SEC14L2: variants seen among roughly 807,000 people sequenced by gnomAD.
The protein encoded by SEC14L2 is SEC14 like lipid binding 2, also known as SEC14-like protein 2.
SEC14L2 carries 50 observed loss-of-function variants against 56.9 expected under a neutral mutation model. The observed-to-expected ratio is 0.88, with a 90% CI of 0.70 to 1.11. The LOEUF is 1.11. SEC14L2 is among the 50% of genes most tolerant of loss of function. The probability of loss-of-function intolerance (pLI) is 0.00; values close to 1 mark genes in which losing one functional copy is unlikely to be tolerated. For missense variants in SEC14L2, 414 were observed against 500.7 expected, an observed-to-expected ratio of 0.83 and a Z score of 1.65; for synonymous variants, 179 against 188.5, an observed-to-expected ratio of 0.95 and a Z score of 0.41.
At chr22:30,411,752 A>G (rs948791935) in intron 8 of SEC14L2, among the ~76,000 whole-genome samples, 1 of 150,510 alleles carries the variant, frequency 6.6e-6, no homozygotes, top group African/African-American at 2.4e-5. Context: ...CAAAAAAAAA[A>G]AAAAAAAAAG....
intron 5 of SEC14L2, among the ~76,000 whole-genome samples, chr22:30,408,581 C>A (rs375459585): frequency 6.6e-6 from 1 of 151,890 alleles, no homozygotes; most frequent in Non-Finnish European, 1.5e-5. Context: ...CTAGACCCTG[C>A]GCCAAAAAAA....
intron 3 of SEC14L2, 101 bp downstream of exon 3, chr22:30,406,486 T>C (rs1284111946): frequency 2.4e-6 from 3 of 1,234,734 alleles, no homozygotes; most frequent in Non-Finnish European, 2.3e-6. Flanking sequence ...AGCTTTTGGC[T>C]TTGAGTATTA....
chr22:30,404,528 C>T (rs1934038568), intron 2 of SEC14L2, among the ~76,000 whole-genome samples: 1 of 152,154 alleles, frequency 6.6e-6, no homozygotes, highest in Non-Finnish European at 1.5e-5. Flanking sequence ...GCCAAATCCA[C>T]AGAGGACATA....
At chr22:30,399,574 G>A in intron 1 of SEC14L2, 69 bp from the exon 2 acceptor site, 7 of 1,029,588 alleles carry the variant, frequency 6.8e-6, no homozygotes, top group Non-Finnish European at 9.9e-6. Flanking sequence ...AGATCTCAGT[G>A]GAGAGTCCTA....
chr22:30,415,954 T>C lies in SEC14L2; in HGVS notation c.778T>C (p.Tyr260His). 6.2e-7 allele frequency: 1 copy of C among 1,614,164 alleles called. No homozygotes were observed. The highest frequency in any genetic ancestry group is 1.6e-4 in the Middle Eastern group (1 of 6,062). Reference protein sequence around the residue: ...GNPKCKSKINYGGDIPRKYYV... With the variant: ...GNPKCKSKINHGGDIPRKYYV... ...CTCCATGCCATGCTTCTAGATCAAC[T>C]ACGGGGGTGACATCCCCAGGAAGTA... is the stretch of plus-strand genomic sequence containing the variant. The change falls in exon 10 of 12, where the codon TAC (tyrosine) becomes CAC (histidine). Residue 260 changes from tyrosine to histidine, a missense_variant. Tyr to His is a moderately conservative substitution (Grantham distance 83). Coordinates refer to ENST00000615189, the MANE Select transcript of SEC14L2 (RefSeq NM_012429.5).
chr22:30,404,171 A>C (rs951548970), intron 2 of SEC14L2, among the ~76,000 whole-genome samples: 1 of 152,164 alleles, frequency 6.6e-6, no homozygotes, highest in African/African-American at 2.4e-5. Context: ...TTATCAGATG[A>C]TTTGGTCAGA....
intron 2 of SEC14L2, among the ~76,000 whole-genome samples, chr22:30,404,009 C>CAAAAAAAAAAAAAAAA (rs67366822): frequency 6.9e-4 from 64 of 93,176 alleles, no homozygotes; most frequent in Non-Finnish European, 9.1e-4. Context: ...GACTCCGTCT[C>CAAAAAAAAAAAAAAAA]AAAAAAAAAA....
intron 8 of SEC14L2, among the ~76,000 whole-genome samples, chr22:30,413,213 G>A (rs567187258): frequency 2.0e-4 from 30 of 152,318 alleles, no homozygotes; most frequent in Admixed American, 1.6e-3. Context: ...CAGAGAAAGC[G>A]AACCCAGCAG....
intron 7 of SEC14L2, 90 bp from the exon 8 acceptor site, chr22:30,410,506 T>G: frequency 8.0e-7 from 1 of 1,248,908 alleles, no homozygotes. Flanking sequence ...CAGCATGGGC[T>G]GGCAGGAGGG....
At chr22:30,409,120 C>T in intron 5 of SEC14L2, 67 bp from the exon 6 acceptor site, 2 of 1,371,454 alleles carry the variant, frequency 1.5e-6, no homozygotes, top group Admixed American at 1.7e-5. Context: ...AATCATTTGG[C>T]CTGGACTGGA....
At chr22:30,410,775 C>T (rs1934227530) in intron 8 of SEC14L2, 96 bp downstream of exon 8, 1 of 1,155,012 alleles carries the variant, frequency 8.7e-7, no homozygotes, top group East Asian at 2.4e-5. Flanking sequence ...AGGGTGAAAG[C>T]TCCCTCTGCT....
chr22:30,409,879 G>A (rs1322865305), intron 7 of SEC14L2, among the ~76,000 whole-genome samples: 7 of 151,632 alleles, frequency 4.6e-5, no homozygotes, highest in Admixed American at 6.6e-5. Context: ...CAGCCTGGGC[G>A]ACGGAGCAAG....
chr22:30,411,999 T>C (rs963267531), intron 8 of SEC14L2, among the ~76,000 whole-genome samples: 4 of 151,962 alleles, frequency 2.6e-5, no homozygotes, highest in East Asian at 1.9e-4. Context: ...AAGAAGAGCA[T>C]TGAACAAAGA....
At chr22:30,399,535 A>T in intron 1 of SEC14L2, 108 bp from the exon 2 acceptor site, 3 of 554,748 alleles carry the variant, frequency 5.4e-6, no homozygotes, top group Non-Finnish European at 8.9e-6. Flanking sequence ...AAAAAAAAAA[A>T]AAGAAACAAA....
chr22:30,407,502 G>A lies in SEC14L2; in HGVS notation c.322G>A (p.Ala108Thr). 6.2e-7 allele frequency: 1 copy of A among 1,614,196 alleles called. No individual in the cohort carries two copies. Among genetic ancestry groups the A allele is most frequent in the Non-Finnish European group, 8.5e-7 (1 of 1,180,026 alleles). ...VWYDIIGPLD[A>T]KGLLFSASKQ... ...GTACGACATAATTGGACCTCTGGATGCCAAGGGTCTGCTGTTCTCAGCCTC... is the reference window on the plus strand; with the variant it reads ...GTACGACATAATTGGACCTCTGGATACCAAGGGTCTGCTGTTCTCAGCCTC... Residue 108 changes from alanine to threonine, a missense_variant, in exon 5 of 12, where the codon GCC (alanine) becomes ACC (threonine). By Grantham distance (58) the Ala-to-Thr change is moderately conservative. Coordinates refer to ENST00000615189, the MANE Select transcript of SEC14L2 (RefSeq NM_012429.5).
rs748032002 is a variant in SEC14L2 at position 30,425,116 on chromosome 22, A to G, written c.*2709A>G. The G allele has an allele frequency of 2.0e-4, 46 of 227,982 alleles. No homozygotes were observed. Among genetic ancestry groups the G allele is most frequent in the Middle Eastern group, 1.8e-3 (1 of 560 alleles). The allele number at this position is 227,982 out of a possible 1,614,324, so 14.1% of individuals were successfully genotyped here. On this transcript the variant is annotated 3_prime_UTR_variant, in exon 12 of 12. Coordinates refer to ENST00000615189, the MANE Select transcript of SEC14L2 (RefSeq NM_012429.5). ...CTGGATCCACACTGTTTGGATTCAA[A>G]TCACAACTTCACCACTTAGCAGCTG...
At chr22:30,420,746 A>G (rs371421945) in intron 11 of SEC14L2, 1 of 152,192 alleles carries the variant, frequency 6.6e-6, no homozygotes, top group Non-Finnish European at 1.5e-5. Flanking sequence ...TAAATACAGG[A>G]TATTTTTTTT....
chr22:30,403,217 C>A (rs929925373), intron 2 of SEC14L2, among the ~76,000 whole-genome samples: 5 of 152,222 alleles, frequency 3.3e-5, no homozygotes, highest in African/African-American at 1.2e-4. Context: ...GGGCTCCTCT[C>A]CCTCCCTTTC....
chr22:30,420,722 T>TAA (rs1569212978), intron 11 of SEC14L2: 1 of 152,154 alleles, frequency 6.6e-6, no homozygotes, highest in Non-Finnish European at 1.5e-5. Context: ...CAGGAAAAGG[T>TAA]TAAGTCTTAG....
Sources: gnomAD v4.1 joint callset for allele counts (sites outside exome capture counted in the v4.1 genomes callset) on GRCh38, gnomAD v4.1.1 for gene constraint, MANE v1.5 for transcripts, NCBI Gene and HGNC (gene_info 2026-07-23, HGNC 2026-07-21) for gene names.